The following CD1B variants were observed in gnomAD, a reference collection of about 807,000 sequenced individuals.
The protein encoded by CD1B is T-cell surface glycoprotein CD1b.
Under a neutral mutation model 39.8 loss-of-function variants are expected in CD1B, and 43 were observed. The observed-to-expected ratio is 1.08, with a 90% confidence interval of 0.85 to 1.39. The LOEUF is 1.39. Ranked by LOEUF, CD1B falls within the 40% of genes most tolerant of loss-of-function variation. The pLI is 0.00. For synonymous variants in CD1B, 192 were observed against 152.5 expected, an observed-to-expected ratio of 1.26 and a Z score of -1.91; for missense variants, 495 against 403.8, an observed-to-expected ratio of 1.23 and a Z score of -1.94.
chr1:158,319,731 G>C, the CD1B span, among the ~76,000 whole-genome samples: 1 of 152,228 alleles, frequency 6.6e-6, no homozygotes, highest in Non-Finnish European at 1.5e-5. Flanking sequence ...TGGAGGAGGA[G>C]AGGCGCTCTG....
At chr1:158,329,210 G>A (rs1168556218) in intron 4 of CD1B, among the ~76,000 whole-genome samples, 160 bp downstream of exon 4, 3 of 151,936 alleles carry the variant, frequency 2.0e-5, no homozygotes, top group Non-Finnish European at 4.4e-5. Flanking sequence ...TTGATAACTT[G>A]GATTATCTAT....
In CD1B at chr1:158,330,111, G is replaced by T. The variant is rs778434215; in HGVS notation, c.348C>A (p.Gly116=). The T allele has an allele frequency of 6.2e-7, 1 of 1,613,412 alleles. No individual in the cohort carries two copies. The highest frequency in any genetic ancestry group is 8.5e-7 in the Non-Finnish European group (1 of 1,179,666). ...FQMKYPFEIQ[G]IAGCELHSGG... is the part of the protein sequence containing the mutation. The stretch of plus-strand genomic sequence containing the variant: ...CAGAATGTAGCTCACAGCCTGCTAT[G>T]CCCTGGATCTCAAAGGGGTCTATGT... The change falls in exon 3 of 6, where the codon GGC becomes GGA. Residue 116 remains glycine (G), a synonymous_variant. Coordinates refer to ENST00000368168, the MANE Select transcript of CD1B (RefSeq NM_001764.3).
chr1:158,320,052 C>A, the CD1B span, among the ~76,000 whole-genome samples: 2 of 152,238 alleles, frequency 1.3e-5, no homozygotes, highest in African/African-American at 4.8e-5. Flanking sequence ...GGGAGAACCA[C>A]TGCTCTCTTC....
the CD1B span, among the ~76,000 whole-genome samples, chr1:158,319,865 A>C: frequency 1.1e-3 from 161 of 152,250 alleles, 1 homozygote; most frequent in African/African-American, 3.8e-3. Context: ...TCTGTTTGTT[A>C]GTTTTCCTTC....
At chr1:158,306,145 T>G in the CD1B span, among the ~76,000 whole-genome samples, 1 of 151,366 alleles carries the variant, frequency 6.6e-6, no homozygotes, top group African/African-American at 2.4e-5. Context: ...GCAAATTGGA[T>G]AGAGTCAAGA....
downstream of CD1B, among the ~76,000 whole-genome samples, chr1:158,326,878 C>A (rs559216082): frequency 1.3e-3 from 200 of 152,246 alleles, 3 homozygotes; most frequent in Admixed American, 2.9e-3. Flanking sequence ...CTCACTGCAA[C>A]CTCCACTTGC....
intron 4 of CD1B, 56 bp from the exon 5 acceptor site, chr1:158,329,070 C>T: frequency 4.2e-6 from 6 of 1,424,912 alleles, no homozygotes; most frequent in Non-Finnish European, 5.8e-6. Flanking sequence ...CACAGAATTC[C>T]TTGGCCTTCC....
At chr1:158,290,066 T>G in the CD1B span, 38 of 1,613,716 alleles carry the variant, frequency 2.4e-5, no homozygotes, top group Non-Finnish European at 2.9e-5. Flanking sequence ...GCAAATGACA[T>G]GCTGTTTCTG....
At chr1:158,309,273 C>A in the CD1B span, among the ~76,000 whole-genome samples, 132 of 152,292 alleles carry the variant, frequency 8.7e-4, no homozygotes, top group African/African-American at 3.1e-3. Context: ...AAATCAAAAC[C>A]ACAATGAGAT....
chr1:158,323,624 G>T (rs1652261275), downstream of CD1B, among the ~76,000 whole-genome samples: 1 of 152,174 alleles, frequency 6.6e-6, no homozygotes, highest in South Asian at 2.1e-4. Flanking sequence ...GTTTGTGCCT[G>T]TTTTTCTTCA....
chr1:158,292,968 T>C, the CD1B span: 3 of 1,243,580 alleles, frequency 2.4e-6, no homozygotes, highest in Admixed American at 2.2e-5. Flanking sequence ...AGGTGAGGGA[T>C]TGTAGGAAGA....
At chr1:158,301,406 G>A in the CD1B span, among the ~76,000 whole-genome samples, 9 of 152,190 alleles carry the variant, frequency 5.9e-5, no homozygotes, top group Non-Finnish European at 1.5e-5. Context: ...AATTTGGCAT[G>A]TTTTTGGAGT....
In CD1B at chr1:158,329,953, T is replaced by C. The variant is rs940955074; in HGVS notation, c.506A>G (p.Tyr169Cys). Residue 169 changes from tyrosine to cysteine, a missense_variant, in exon 3 of 6, where the codon TAT (tyrosine) becomes TGT (cysteine). Transcript: ENST00000368168. ...TCTCACAGTTTCCATGATACCTTGATATTGTATGATTAGTGCACAGAATTT... is the reference window on the plus strand; with the variant it reads ...TCTCACAGTTTCCATGATACCTTGACATTGTATGATTAGTGCACAGAATTT... ...AQKFCALIIQ[Y>C]QGIMETVRIL... The C allele has an allele frequency of 1.2e-5, 19 of 1,613,876 alleles. No individual in the cohort carries two copies. The highest frequency in any genetic ancestry group is 4.0e-5 in the African/African-American group (3 of 74,876).
the CD1B span, among the ~76,000 whole-genome samples, chr1:158,314,326 C>A: frequency 6.6e-6 from 1 of 152,190 alleles, no homozygotes; most frequent in Admixed American, 6.6e-5. Flanking sequence ...AAGTGATCCA[C>A]CCTCCTCGGC....
chr1:158,300,228 T>C, the CD1B span, among the ~76,000 whole-genome samples: 1 of 152,340 alleles, frequency 6.6e-6, no homozygotes, highest in East Asian at 1.9e-4. Context: ...TATTTCTGCC[T>C]TCATTTTGTT....
chr1:158,316,935 G>A, the CD1B span, among the ~76,000 whole-genome samples: 1 of 151,314 alleles, frequency 6.6e-6, no homozygotes, highest in Admixed American at 6.6e-5. Flanking sequence ...TTTGTCTTTG[G>A]CTCTGTTTAT....
the CD1B span, among the ~76,000 whole-genome samples, chr1:158,315,414 T>A: frequency 6.6e-6 from 1 of 151,962 alleles, no homozygotes; most frequent in Non-Finnish European, 1.5e-5. Context: ...CCAGTGATGA[T>A]GAGCATTTTT....
the CD1B span, among the ~76,000 whole-genome samples, chr1:158,304,160 G>A: frequency 6.6e-6 from 1 of 152,098 alleles, no homozygotes; most frequent in South Asian, 2.1e-4. Flanking sequence ...CACCTGGGAA[G>A]CACAAGGGGT....
chr1:158,315,277 T>C, the CD1B span, among the ~76,000 whole-genome samples: 5 of 152,116 alleles, frequency 3.3e-5, no homozygotes, highest in Non-Finnish European at 2.9e-5. Flanking sequence ...CCATCAACAG[T>C]GTAAAAGTGT....
Sources: gnomAD v4.1 joint callset for allele counts (sites outside exome capture counted in the v4.1 genomes callset) on GRCh38, gnomAD v4.1.1 for gene constraint, MANE v1.5 for transcripts, NCBI Gene and HGNC (gene_info 2026-07-23, HGNC 2026-07-21) for gene names.